PPP1R3C: variants seen among roughly 807,000 people sequenced by gnomAD.
PPP1R3C encodes protein phosphatase 1 regulatory subunit 3C, also known as PP1 subunit R5.
PPP1R3C carries 20 observed loss-of-function variants against 29.3 expected under a neutral mutation model. The observed-to-expected ratio is 0.68, with a 90% CI of 0.48 to 0.99. The LOEUF is 0.99. Among genes scored for constraint, PPP1R3C ranks in the 50% least tolerant of loss-of-function variants. The probability of loss-of-function intolerance (pLI) is 0.00; values close to 1 mark genes in which losing one functional copy is unlikely to be tolerated. For synonymous variants in PPP1R3C, 123 were observed against 143.1 expected (o/e 0.86, Z 1.00); for missense variants, 321 against 386.0 (o/e 0.83, Z 1.41).
At chr10:91,632,080 C>T (rs951938386) in intron 1 of PPP1R3C, among the ~76,000 whole-genome samples, 1 of 152,136 alleles carries the variant, frequency 6.6e-6, no homozygotes, top group Non-Finnish European at 1.5e-5. Context: ...CCTATCTTAG[C>T]CTTACAAGTA....
chr10:91,632,257 TAGAAC>T (rs1254929704), intron 1 of PPP1R3C, among the ~76,000 whole-genome samples: 1 of 152,182 alleles, frequency 6.6e-6, no homozygotes, highest in African/African-American at 2.4e-5. Flanking sequence ...TCTGCAAACT[TAGAAC>T]AAACAAATGA....
At chr10:91,631,383 G>A (rs763219031) in intron 1 of PPP1R3C, among the ~76,000 whole-genome samples, 4 of 152,156 alleles carry the variant, frequency 2.6e-5, no homozygotes, top group African/African-American at 9.7e-5. Context: ...GCCAAGGGAT[G>A]GGTATGTTCT....
Position 91,629,963 on chromosome 10 carries a change from G to A in PPP1R3C, c.918C>T (p.Ser306=), listed in dbSNP as rs546719655. ...LASGLFPEWQ[S]WGRMENLASY... ...AGGCCAAGTTCTCCATTCTCCCCCAGCTCTGCCACTCTGGGAAGAGCCCAC... is the reference window on the plus strand; with the variant it reads ...AGGCCAAGTTCTCCATTCTCCCCCAACTCTGCCACTCTGGGAAGAGCCCAC... The change falls in exon 2 of 2, where the codon AGC becomes AGT. Residue 306 remains serine, a synonymous_variant. Coordinates refer to ENST00000238994, the MANE Select transcript of PPP1R3C (RefSeq NM_005398.7). 3 of 1,614,162 alleles carry A rather than the reference G, an allele frequency of 1.9e-6. No homozygotes were observed. The highest frequency in any genetic ancestry group is 2.7e-5 in the African/African-American group (2 of 75,042).
Position 91,630,439 on chromosome 10 carries a change from A to T in PPP1R3C, c.442T>A (p.Phe148Ile). ...FPQPSTDYLS[F>I]RSHFQKNFVC... The stretch of plus-strand genomic sequence containing the variant: ...AAGTTCTTCTGAAAGTGGCTCCGGA[A>T]ACTTAAGTAATCGGTTGAAGGCTGA... The change falls in exon 2 of 2, where the codon TTC (phenylalanine) becomes ATC (isoleucine). Residue 148 changes from phenylalanine (F) to isoleucine (I), a missense_variant. By Grantham distance (21) the Phe-to-Ile change is conservative. Coordinates refer to ENST00000238994, the MANE Select transcript of PPP1R3C (RefSeq NM_005398.7). This position sits in a 1 kb window ranked among gnomAD's most constrained non-coding sequence, Gnocchi z 4.4. 3 of 1,614,224 alleles carry T rather than the reference A, an allele frequency of 1.9e-6. No homozygotes were observed. Among genetic ancestry groups the T allele is most frequent in the Non-Finnish European group, 2.5e-6 (3 of 1,180,032 alleles).
In PPP1R3C at chr10:91,630,356, G is replaced by T. The variant is rs141426360; in HGVS notation, c.525C>A (p.Val175=). 184 of 1,613,960 alleles carry T rather than the reference G, an allele frequency of 1.1e-4. 2 individuals are homozygous for T. Among genetic ancestry groups the T allele is most frequent in the South Asian group, 3.3e-4 (30 of 91,070 alleles). ...CTTTCTTCTCAAAACTCACATTTTT[G>T]ACTTTAACAGTCCCTGTCACTGTTC... is the stretch of plus-strand genomic sequence containing the variant. ...QERTVTGTVK[V]KNVSFEKKVQ... is the part of the protein sequence containing the mutation. The change falls in exon 2 of 2, where the codon GTC becomes GTA. Residue 175 remains valine, a synonymous_variant. Coordinates refer to ENST00000238994, the MANE Select transcript of PPP1R3C (RefSeq NM_005398.7). This position sits in a 1 kb window ranked among gnomAD's most constrained non-coding sequence, Gnocchi z 4.4.
rs1277026278 is a variant in PPP1R3C, at chr10:91,633,050, G to A, written c.-81C>T. The A allele has an allele frequency of 4.5e-6, 7 of 1,561,018 alleles. No homozygotes were observed. Among genetic ancestry groups the A allele is most frequent in the East Asian group, 2.4e-5 (1 of 42,466 alleles). On this transcript the variant is annotated 5_prime_UTR_variant, in exon 1 of 2. Coordinates refer to ENST00000238994, the MANE Select transcript of PPP1R3C (RefSeq NM_005398.7). ...AACCACAGCTCCAGGCCTTGCCCCC[G>A]CGGCGGTCGCTGGGAGAGACTGAGG...
rs139500158 is a variant in PPP1R3C, at chr10:91,632,382, GT to G, written c.14+573del. ...GCTATTTAAAGTAGTTTTATGGGAGGTTTTTTTTGGTTTTTTTGTTTTTTTT... is the reference window on the plus strand; with the variant it reads ...GCTATTTAAAGTAGTTTTATGGGAGGTTTTTTTGGTTTTTTTGTTTTTTTT... On this transcript the variant is annotated intron_variant, in intron 1 of 1. Transcript: ENST00000238994. Among the ~76,000 whole-genome samples, 7 of 149,956 alleles carry G rather than the reference GT, an allele frequency of 4.7e-5. No homozygotes were observed. The East Asian group carries it at 9.8e-4, about 21-fold the overall frequency.
intron 1 of PPP1R3C, among the ~76,000 whole-genome samples, chr10:91,631,474 G>C (rs893331320): frequency 6.6e-6 from 1 of 151,916 alleles, no homozygotes; most frequent in Non-Finnish European, 1.5e-5. Flanking sequence ...TGGCTACGTT[G>C]GCTTATTTTG....
In PPP1R3C at chr10:91,630,757, G is replaced by A. The variant is rs1383387389; in HGVS notation, c.124C>T (p.Pro42Ser). The stretch of plus-strand genomic sequence containing the variant: ...TGTCGTCGTTGAAATTCATCGTACG[G>A]GCCCAGGAAACTCTTCACAGGTGGT... Reference protein sequence around the residue: ...HSPPVKSFLGPYDEFQRRHFV... With the variant: ...HSPPVKSFLGSYDEFQRRHFV... Residue 42 changes from proline to serine, a missense_variant, in exon 2 of 2, where the codon CCG becomes TCG. Coordinates refer to ENST00000238994, the MANE Select transcript of PPP1R3C (RefSeq NM_005398.7). The surrounding 1 kb of genome is among the most constrained non-coding windows in gnomAD (Gnocchi z 4.4). 1 of 1,614,054 alleles carries A rather than the reference G, an allele frequency of 6.2e-7. No homozygotes were observed. Among genetic ancestry groups the A allele is most frequent in the East Asian group, 2.2e-5 (1 of 44,868 alleles).
chr10:91,630,237 G>A lies in PPP1R3C; in HGVS notation c.644C>T (p.Thr215Ile), dbSNP rs775691105. Residue 215 changes from threonine (T) to isoleucine (I), a missense_variant, in exon 2 of 2, where the codon ACC (threonine) becomes ATC (isoleucine). Thr to Ile is a moderately conservative substitution (Grantham distance 89). Coordinates refer to ENST00000238994, the MANE Select transcript of PPP1R3C (RefSeq NM_005398.7). The surrounding 1 kb of genome is among the most constrained non-coding windows in gnomAD (Gnocchi z 4.4). ...GGGTAAGTCAATGGCAAATGAGAAG[G>A]TATCACTATCTGTGCCACCATACAC... ...KNVYGGTDSD[T>I]FSFAIDLPPV... 1 of 1,614,174 alleles carries A rather than the reference G, an allele frequency of 6.2e-7. No homozygotes were observed. Among genetic ancestry groups the A allele is most frequent in the South Asian group, 1.1e-5 (1 of 91,080 alleles).
In PPP1R3C at chr10:91,629,585, A is replaced by T. The variant is rs894667848; in HGVS notation, c.*342T>A. On this transcript the variant is annotated 3_prime_UTR_variant, in exon 2 of 2. Transcript: ENST00000238994. ...TTCACACATTCCTCATACCATTAAC[A>T]CAGCTTTCCATCACCATCAGCCATC... is the stretch of plus-strand genomic sequence containing the variant. 40 of 366,864 alleles carry T rather than the reference A, an allele frequency of 1.1e-4. No individual in the cohort carries two copies. The highest frequency in any genetic ancestry group is 8.1e-4 in the Middle Eastern group (1 of 1,240). 22.7% of individuals were successfully genotyped at this position (366,864 alleles called of 1,614,324 possible).
In PPP1R3C at chr10:91,633,065, A is replaced by G. The variant is rs1357482766; in HGVS notation, c.-96T>C. On this transcript the variant is annotated 5_prime_UTR_variant, in exon 1 of 2. Coordinates refer to ENST00000238994, the MANE Select transcript of PPP1R3C (RefSeq NM_005398.7). ...CCTTGCCCCCGCGGCGGTCGCTGGG[A>G]GAGACTGAGGGCCCGGCGCCTAGAG... 6.6e-7 allele frequency: 1 copy of G among 1,521,390 alleles called. No individual in the cohort carries two copies. Among genetic ancestry groups the G allele is most frequent in the Non-Finnish European group, 9.0e-7 (1 of 1,117,070 alleles). The allele number at this position is 1,521,390 out of a possible 1,614,324, so 94.2% of individuals were successfully genotyped here. A position where few individuals can be genotyped will look rare whatever the true frequency, so the allele number is the denominator to read the frequency against.
chr10:91,630,619 C>G lies in PPP1R3C; in HGVS notation c.262G>C (p.Ala88Pro). Residue 88 changes from alanine to proline, a missense_variant, in exon 2 of 2, where the codon GCT (alanine) becomes CCT (proline). Physicochemically the swap from Ala to Pro is conservative, Grantham distance 27. Coordinates refer to ENST00000238994, the MANE Select transcript of PPP1R3C (RefSeq NM_005398.7). The surrounding 1 kb of genome is among the most constrained non-coding windows in gnomAD (Gnocchi z 4.4). ...GTGAGAGAGAGGCCCTTGGAGTCAG[C>G]AAACACAACGCGCTTCTTGGCTTGG... ...HNQAKKRVVF[A>P]DSKGLSLTAI... 6.2e-7 allele frequency: 1 copy of G among 1,611,530 alleles called. No homozygotes were observed. The highest frequency in any genetic ancestry group is 8.5e-7 in the Non-Finnish European group (1 of 1,177,982).
At position 91,630,459 on chromosome 10, in the gene PPP1R3C, G is replaced by A; in HGVS notation, c.422C>T (p.Pro141Leu). Reference protein sequence around the residue: ...EKNLILDFPQPSTDYLSFRSH... With the variant: ...EKNLILDFPQLSTDYLSFRSH... Reference sequence around the variant, plus strand: ...CCGGAAACTTAAGTAATCGGTTGAAGGCTGAGGGAAATCTAAAATCAAGTT... The same window carrying A: ...CCGGAAACTTAAGTAATCGGTTGAAAGCTGAGGGAAATCTAAAATCAAGTT... Residue 141 changes from proline (P) to leucine (L), a missense_variant, in exon 2 of 2, where the codon CCT (proline) becomes CTT (leucine). By Grantham distance (98) the Pro-to-Leu change is moderately conservative (BLOSUM62 -3). Transcript: ENST00000238994. The surrounding 1 kb of genome is among the most constrained non-coding windows in gnomAD (Gnocchi z 4.4). 14 of 1,614,174 alleles carry A rather than the reference G, an allele frequency of 8.7e-6. No individual in the cohort carries two copies. Among genetic ancestry groups the A allele is most frequent in the Non-Finnish European group, 1.2e-5 (14 of 1,180,044 alleles).
At position 91,629,181 on chromosome 10, in the gene PPP1R3C, A is replaced by G. The variant is rs1259031080; in HGVS notation, c.*746T>C. On this transcript the variant is annotated 3_prime_UTR_variant, in exon 2 of 2. Coordinates refer to ENST00000238994, the MANE Select transcript of PPP1R3C (RefSeq NM_005398.7). ...ATGGTTTTTCTATACCAAGCATTCT[A>G]TAACAAGAACCCAAGCCTGACAGTT... 1 of 152,284 alleles carries G rather than the reference A, an allele frequency of 6.6e-6. No homozygotes were observed. Among genetic ancestry groups the G allele is most frequent in the Non-Finnish European group, 1.5e-5 (1 of 68,084 alleles). 9.4% of individuals were successfully genotyped at this position (152,284 alleles called of 1,614,324 possible).
At chr10:91,631,059 C>T (rs1848713539) in intron 1 of PPP1R3C, among the ~76,000 whole-genome samples, 193 bp from the exon 2 acceptor site, 1 of 152,138 alleles carries the variant, frequency 6.6e-6, no homozygotes, top group Admixed American at 6.5e-5. Flanking sequence ...TACCCTTGGC[C>T]GGCTAAAGGC....
rs201460286 is a variant in PPP1R3C at position 91,632,957 on chromosome 10, T to C, written c.13A>G (p.Arg5Gly). 114 of 1,612,688 alleles carry C rather than the reference T, an allele frequency of 7.1e-5. No homozygotes were observed. The highest frequency in any genetic ancestry group is 8.3e-5 in the Non-Finnish European group (98 of 1,179,500). The change falls in exon 1 of 2, where the codon AGA (arginine) becomes GGA (glycine). Residue 5 changes from arginine (R) to glycine (G), a missense_variant and splice_region_variant. By Grantham distance (125) the Arg-to-Gly change is moderately radical (BLOSUM62 -2). Coordinates refer to ENST00000238994, the MANE Select transcript of PPP1R3C (RefSeq NM_005398.7). ...CGCGCAGAGTTGCAGCGAACCTACC[T>C]GGTGCAGCTCATTAGGCAGAGAGGC... MSCT[R>G]MIQVLDPRPL...
rs1239622744 is a variant in PPP1R3C at position 91,629,114 on chromosome 10, A to G, written c.*813T>C. ...GCACTTGCAAAGAGCTATCTTTGAC[A>G]TGACATGAAGTCCCTACGTGTTGTT... On this transcript the variant is annotated 3_prime_UTR_variant, in exon 2 of 2. Coordinates refer to ENST00000238994, the MANE Select transcript of PPP1R3C (RefSeq NM_005398.7). 1 of 152,240 alleles carries G rather than the reference A, an allele frequency of 6.6e-6. No homozygotes were observed. Among genetic ancestry groups the G allele is most frequent in the African/African-American group, 2.4e-5 (1 of 41,458 alleles). The allele number at this position is 152,240 out of a possible 1,614,324, so 9.4% of individuals were successfully genotyped here.
Position 91,630,602 on chromosome 10 carries a change from G to GAGGCCCTTGGAGTCAGCAAAC in PPP1R3C, c.258_278dup (p.Phe87_Leu93dup). 6.2e-7 allele frequency: 1 copy of GAGGCCCTTGGAGTCAGCAAAC among 1,611,686 alleles called. No homozygotes were observed. The highest frequency in any genetic ancestry group is 2.2e-5 in the East Asian group (1 of 44,850). On this transcript the variant is annotated inframe_insertion, in exon 2 of 2. Coordinates refer to ENST00000238994, the MANE Select transcript of PPP1R3C (RefSeq NM_005398.7). The surrounding 1 kb of genome is among the most constrained non-coding windows in gnomAD (Gnocchi z 4.4). ...AGAAGACATGGATCGCAGTGAGAGA[G>GAGGCCCTTGGAGTCAGCAAAC]AGGCCCTTGGAGTCAGCAAACACAA...
Sources: gnomAD v4.1 joint callset for allele counts (sites outside exome capture counted in the v4.1 genomes callset) on GRCh38, gnomAD v4.1.1 for gene constraint, Gnocchi (gnomAD v3.1) non-coding constraint, MANE v1.5 for transcripts, NCBI Gene and HGNC (gene_info 2026-07-23, HGNC 2026-07-21) for gene names.